Variants in RIMS1 observed in about 807,000 individuals in gnomAD.
The protein encoded by RIMS1 is regulating synaptic membrane exocytosis protein 1.
In RIMS1, 83 loss-of-function variants were observed where a neutral mutation model predicts 214.1. The ratio of observed to expected loss-of-function variants is 0.39; its 90% CI spans 0.32 to 0.47. RIMS1 has a LOEUF of 0.47. Among genes scored for constraint, RIMS1 ranks in the 20% least tolerant of loss-of-function variants. RIMS1 has a pLI of 0.99. For missense variants in RIMS1, 2,050 were observed against 2,161.8 expected (o/e 0.95, Z 1.03); for synonymous variants, 793 against 786.8 (o/e 1.01, Z -0.13).
At chr6:72,227,442 T>G (rs957941255) in intron 6 of RIMS1, among the ~76,000 whole-genome samples, 6 of 152,020 alleles carry the variant, frequency 3.9e-5, no homozygotes, top group Non-Finnish European at 5.9e-5. Flanking sequence ...AGTTACCTTC[T>G]GAGTCGAATG....
Position 72,333,723 on chromosome 6 carries a change from A to C in RIMS1, c.4254A>C (p.Thr1418=). The C allele has an allele frequency of 6.3e-7, 1 of 1,598,610 alleles. No homozygotes were observed. The highest frequency in any genetic ancestry group is 8.5e-7 in the Non-Finnish European group (1 of 1,172,464). ...LEHNDGSQSD[T]AVGTVGAGGK... is the part of the protein sequence containing the mutation. ...ATAATGACGGCAGCCAGTCAGACAC[A>C]GCTGTGGGTACAGTTGGAGCAGGTG... The change falls in exon 29 of 34, where the codon ACA becomes ACC. Residue 1418 remains threonine, a synonymous_variant. Coordinates refer to ENST00000521978, the MANE Select transcript of RIMS1 (RefSeq NM_014989.7).
chr6:72,017,218 T>C (rs1037804812), intron 2 of RIMS1, among the ~76,000 whole-genome samples: 1 of 152,222 alleles, frequency 6.6e-6, no homozygotes, highest in Non-Finnish European at 1.5e-5. Context: ...ATCTTAATAT[T>C]TACATATTTT....
At chr6:72,082,672 A>G (rs1308510383) in intron 2 of RIMS1, among the ~76,000 whole-genome samples, 1 of 152,122 alleles carries the variant, frequency 6.6e-6, no homozygotes, top group Non-Finnish European at 1.5e-5. Context: ...TTCCTTCTAC[A>G]CTCAGAGTAG....
At chr6:72,319,894 A>G (rs902840532) in intron 28 of RIMS1, among the ~76,000 whole-genome samples, 1 of 152,160 alleles carries the variant, frequency 6.6e-6, no homozygotes, top group Non-Finnish European at 1.5e-5. Context: ...GTTTGAGAAT[A>G]AAATGAAATA....
At chr6:72,329,386 C>A (rs937399393) in intron 28 of RIMS1, among the ~76,000 whole-genome samples, 2 of 151,682 alleles carry the variant, frequency 1.3e-5, no homozygotes, top group Admixed American at 6.6e-5. Flanking sequence ...TAATTTTGTA[C>A]ATGTACATAT....
chr6:72,330,218 G>A (rs1483614789), intron 28 of RIMS1, among the ~76,000 whole-genome samples: 1 of 151,786 alleles, frequency 6.6e-6, no homozygotes, highest in Non-Finnish European at 1.5e-5. Flanking sequence ...ATAAAGACTG[G>A]TAAGTGACAG....
chr6:72,327,807 A>G (rs1001137598), intron 28 of RIMS1, among the ~76,000 whole-genome samples: 8 of 151,868 alleles, frequency 5.3e-5, no homozygotes, highest in Non-Finnish European at 1.2e-4. Flanking sequence ...CTTTGATTCT[A>G]CTGAGTTAGC....
At chr6:71,946,051 A>C (rs1044488628) in intron 1 of RIMS1, among the ~76,000 whole-genome samples, 2 of 149,822 alleles carry the variant, frequency 1.3e-5, no homozygotes, top group African/African-American at 4.9e-5. Context: ...TCAAGAAAAT[A>C]ATCCGATCTA....
intron 28 of RIMS1, among the ~76,000 whole-genome samples, chr6:72,315,690 TAC>T (rs367774407): frequency 4.0e-4 from 60 of 149,250 alleles, no homozygotes; most frequent in Non-Finnish European, 4.6e-4. Flanking sequence ...CATGCAGCAG[TAC>T]ACACACACAC....
At position 72,242,404 on chromosome 6, in the gene RIMS1, C is replaced by G; in HGVS notation, c.2048C>G (p.Pro683Arg). ...YNIILESKSE[P>R]QVEIIVSRPI... ...ATTATTTTAGAATCAAAATCAGAAC[C>G]TCAAGTTGAAATTATTGTTTCAAGG... is the stretch of plus-strand genomic sequence containing the variant. Residue 683 changes from proline to arginine, a missense_variant, in exon 10 of 34, where the codon CCT (proline) becomes CGT (arginine). Pro to Arg is a moderately radical substitution (Grantham distance 103). Transcript: ENST00000521978. 1 of 1,560,562 alleles carries G rather than the reference C, an allele frequency of 6.4e-7. No individual in the cohort carries two copies. The highest frequency in any genetic ancestry group is 8.7e-7 in the Non-Finnish European group (1 of 1,151,144).
At chr6:72,330,184 A>C (rs903505847) in intron 28 of RIMS1, among the ~76,000 whole-genome samples, 8 of 151,854 alleles carry the variant, frequency 5.3e-5, no homozygotes, top group South Asian at 4.1e-4. Flanking sequence ...TGACAAATGC[A>C]TGACATATTG....
At chr6:72,000,278 C>T (rs972819316) in intron 2 of RIMS1, among the ~76,000 whole-genome samples, 1 of 151,864 alleles carries the variant, frequency 6.6e-6, no homozygotes, top group East Asian at 1.9e-4. Context: ...AAATAACAAC[C>T]CAAATTTTCT....
At chr6:72,185,384 C>G (rs539749562) in intron 6 of RIMS1, among the ~76,000 whole-genome samples, 5 of 152,104 alleles carry the variant, frequency 3.3e-5, no homozygotes, top group African/African-American at 1.2e-4. Flanking sequence ...CATGACTTCA[C>G]TGGCAAATCA....
At chr6:72,146,395 C>T (rs1045108447) in intron 4 of RIMS1, among the ~76,000 whole-genome samples, 5 of 152,116 alleles carry the variant, frequency 3.3e-5, no homozygotes, top group Admixed American at 2.0e-4. Context: ...TGATTTCATC[C>T]TTGCATTACT....
intron 29 of RIMS1, among the ~76,000 whole-genome samples, chr6:72,342,486 T>C (rs527901866): frequency 6.6e-5 from 10 of 151,936 alleles, no homozygotes; most frequent in African/African-American, 2.4e-4. Context: ...GTAACTCTTA[T>C]GAACTTTTCT....
At chr6:72,010,891 T>C (rs1810256673) in intron 2 of RIMS1, among the ~76,000 whole-genome samples, 1 of 152,110 alleles carries the variant, frequency 6.6e-6, no homozygotes, top group Non-Finnish European at 1.5e-5. Flanking sequence ...ATCCTGAAAA[T>C]GGCCATACTG....
chr6:72,171,780 T>C (rs1451081966), intron 4 of RIMS1, among the ~76,000 whole-genome samples: 1 of 152,176 alleles, frequency 6.6e-6, no homozygotes, highest in Non-Finnish European at 1.5e-5. Flanking sequence ...TCAGTAAACA[T>C]GTTGAGACGG....
Position 72,311,085 on chromosome 6 carries a change from T to C in RIMS1, c.3964-2421T>C, listed in dbSNP as rs556671683. On this transcript the variant is annotated intron_variant, in intron 27 of 33. Transcript: ENST00000521978. ...ACATTCACATACCTTTATGCTTTAG[T>C]GTACACTGCTTAATATTGTCAAATA... is the stretch of plus-strand genomic sequence containing the variant. Among the ~76,000 whole-genome samples, 4 of 152,178 alleles carry C rather than the reference T, an allele frequency of 2.6e-5. No individual in the cohort carries two copies. In the South Asian group the frequency reaches 6.2e-4, roughly 24 times the overall value.
chr6:72,350,710 A>G (rs2097418767), intron 29 of RIMS1, among the ~76,000 whole-genome samples: 1 of 152,194 alleles, frequency 6.6e-6, no homozygotes, highest in Non-Finnish European at 1.5e-5. Context: ...CATAAGAAGT[A>G]AAAGCATTTA....
Sources: gnomAD v4.1 joint callset for allele counts (sites outside exome capture counted in the v4.1 genomes callset) on GRCh38, gnomAD v4.1.1 for gene constraint, MANE v1.5 for transcripts, NCBI Gene and HGNC (gene_info 2026-07-23, HGNC 2026-07-21) for gene names.